SORL1: variants seen among roughly 807,000 people sequenced by gnomAD.
SORL1 encodes the protein sortilin related receptor 1.
In SORL1, 127 loss-of-function variants were observed where a neutral mutation model predicts 273.7. That is an observed-to-expected ratio of 0.46 (90% CI 0.40 to 0.54). The LOEUF (loss-of-function observed/expected upper bound fraction) is 0.54, where lower values mean the gene tolerates loss of function less well. Ranked by LOEUF, SORL1 falls within the 20% of genes least tolerant of loss-of-function variation. The probability of loss-of-function intolerance (pLI) is 0.00; values close to 1 mark genes in which losing one functional copy is unlikely to be tolerated. For synonymous variants in SORL1, 1,031 were observed against 1,067.4 expected, an observed-to-expected ratio of 0.97 and a Z score of 0.66; for missense variants, 2,494 against 2,846.1, an observed-to-expected ratio of 0.88 and a Z score of 2.81.
chr11:121,485,023 G>A lies in SORL1; in HGVS notation c.529-3009G>A, dbSNP rs565614640. Among the ~76,000 whole-genome samples the A allele has an allele frequency of 4.0e-4, 61 of 152,332 alleles. 1 individual carries two copies. The South Asian group carries it at 0.013, about 32-fold the overall frequency. ...GCCCACCTTGGCCTCCCAAAGTGGT[G>A]GGATTACAGGCATGAGCCACCCCGC... is the stretch of plus-strand genomic sequence containing the variant. On this transcript the variant is annotated intron_variant, in intron 3 of 47. Transcript: ENST00000260197.
intron 18 of SORL1, chr11:121,557,066 TG>T (rs1188980691): frequency 3.2e-5 from 17 of 533,250 alleles, no homozygotes; most frequent in African/African-American, 3.0e-4. Flanking sequence ...CATCATGCCC[TG>T]GAAACTGGGG....
chr11:121,579,167 A>G (rs1287283124), intron 25 of SORL1, among the ~76,000 whole-genome samples: 1 of 152,046 alleles, frequency 6.6e-6, no homozygotes, highest in Admixed American at 6.5e-5. Flanking sequence ...TTTTTCTCTG[A>G]TTTTCTTCCG....
chr11:121,472,494 C>T (rs1272296261), intron 2 of SORL1, among the ~76,000 whole-genome samples: 5 of 152,108 alleles, frequency 3.3e-5, no homozygotes, highest in South Asian at 4.1e-4. Flanking sequence ...ACTCAGTGTG[C>T]GAAGATGTGG....
intron 32 of SORL1, among the ~76,000 whole-genome samples, chr11:121,599,594 C>A (rs753235696): frequency 2.0e-5 from 3 of 152,154 alleles, no homozygotes; most frequent in Non-Finnish European, 4.4e-5. Flanking sequence ...ATATTTTAAT[C>A]TCCTTGGTTA....
At chr11:121,496,796 C>T in intron 5 of SORL1, 73 bp from the exon 6 acceptor site, 1 of 1,286,814 alleles carries the variant, frequency 7.8e-7, no homozygotes, top group Non-Finnish European at 1.1e-6. Flanking sequence ...GTTGATTATC[C>T]CATTGCAAAA....
chr11:121,541,926 T>G (rs1223697520), intron 12 of SORL1, among the ~76,000 whole-genome samples: 1 of 152,230 alleles, frequency 6.6e-6, no homozygotes, highest in Non-Finnish European at 1.5e-5. Flanking sequence ...CCTCAGTATA[T>G]ACTTTCCTTC....
chr11:121,629,543 G>A lies in SORL1; in HGVS notation c.6625G>A (p.Val2209Ile). 6 of 1,566,886 alleles carry A rather than the reference G, an allele frequency of 3.8e-6. No homozygotes were observed. Among genetic ancestry groups the A allele is most frequent in the Non-Finnish European group, 5.3e-6 (6 of 1,136,854 alleles). Reference sequence around the variant, plus strand: ...TATGATAACTGGATTTTCAGATGACGTCCCCATGGTGATAGCCTGAAAGAG... The same window carrying A: ...TATGATAACTGGATTTTCAGATGACATCCCCATGGTGATAGCCTGAAAGAG... ...APMITGFSDDVPMVIA is the reference protein window; with the variant it reads ...APMITGFSDDIPMVIA Residue 2209 changes from valine (V) to isoleucine (I), a missense_variant, in exon 48 of 48, where the codon GTC (valine) becomes ATC (isoleucine). Physicochemically the swap from Val to Ile is conservative, Grantham distance 29. Around this residue, in one of 3 missense-constraint regions of SORL1, gnomAD observed 1,609 missense variants for 1,816.4 expected, o/e 0.89. Transcript: ENST00000260197.
chr11:121,603,779 G>T (rs1252271915), intron 32 of SORL1, among the ~76,000 whole-genome samples: 1 of 152,176 alleles, frequency 6.6e-6, no homozygotes, highest in Non-Finnish European at 1.5e-5. Context: ...TAGTACTATA[G>T]AGTAATAGCT....
intron 6 of SORL1, among the ~76,000 whole-genome samples, chr11:121,506,350 A>G (rs892048611): frequency 6.6e-6 from 1 of 152,206 alleles, no homozygotes; most frequent in Non-Finnish European, 1.5e-5. Context: ...TTTACAAAAA[A>G]GGTTTATAAT....
intron 2 of SORL1, among the ~76,000 whole-genome samples, chr11:121,474,651 A>C (rs1366832241): frequency 6.6e-6 from 1 of 152,218 alleles, no homozygotes; most frequent in Admixed American, 6.5e-5. Context: ...AGAGGGGACT[A>C]TTTAGTGCAG....
At chr11:121,566,663 C>A in intron 21 of SORL1, 1 of 361,570 alleles carries the variant, frequency 2.8e-6, no homozygotes, top group Non-Finnish European at 5.1e-6. Context: ...GCTTTCTTGT[C>A]TTTCAGTGAC....
chr11:121,541,644 A>G (rs1862352002), intron 12 of SORL1, among the ~76,000 whole-genome samples: 1 of 152,212 alleles, frequency 6.6e-6, no homozygotes. Context: ...TGAAAGAAAA[A>G]GTTTTGCATA....
intron 11 of SORL1, among the ~76,000 whole-genome samples, chr11:121,530,503 T>A (rs192205797): frequency 2.6e-5 from 4 of 152,328 alleles, no homozygotes; most frequent in Admixed American, 2.6e-4. Flanking sequence ...ATGAGAAACC[T>A]CTCTTCACTT....
chr11:121,577,658 A>T (rs1048161196), intron 25 of SORL1, among the ~76,000 whole-genome samples: 1 of 152,234 alleles, frequency 6.6e-6, no homozygotes, highest in African/African-American at 2.4e-5. Context: ...CAAGCTTCTT[A>T]TTCATTCAGG....
intron 31 of SORL1, among the ~76,000 whole-genome samples, chr11:121,594,067 A>C (rs1449335916): frequency 6.6e-6 from 1 of 150,522 alleles, no homozygotes; most frequent in African/African-American, 2.4e-5. Context: ...GTTTTGTTCC[A>C]CTGCCTTCAA....
chr11:121,622,245 GA>G lies in SORL1; in HGVS notation c.6152del (p.Lys2051SerfsTer18). The G allele has an allele frequency of 6.2e-7, 1 of 1,608,992 alleles. No individual in the cohort carries two copies. Among genetic ancestry groups the G allele is most frequent in the Non-Finnish European group, 8.5e-7 (1 of 1,176,140 alleles). ...LLFWKSLALK[E>X]KHFNESRGYE... ...GTTTTGGAAAAGCCTGGCTTTAAAGGAAAAGCATTTTAATGAAAGCAGGGTA... is the reference window on the plus strand; with the variant it reads ...GTTTTGGAAAAGCCTGGCTTTAAAGGAAAGCATTTTAATGAAAGCAGGGTA... On this transcript the variant is annotated frameshift_variant, in exon 45 of 48. Transcript: ENST00000260197. LOFTEE classifies it high-confidence loss of function.
chr11:121,452,581 G>A lies in SORL1; in HGVS notation c.250G>A (p.Ala84Thr), dbSNP rs761884142. The change falls in exon 1 of 48, where the codon GCC becomes ACC. Residue 84 changes from alanine to threonine, a missense_variant. This residue lies in a region of SORL1 where 175 missense variants were observed against 147.1 expected (regional missense o/e 1.19). Coordinates refer to ENST00000260197, the MANE Select transcript of SORL1 (RefSeq NM_003105.6). The surrounding 1 kb of genome is among the most constrained non-coding windows in gnomAD (Gnocchi z 5.3). ...GCCGCTCCGGAGGAAACGGAGCGCT[G>A]CCCTGCAGCCCGAGCCCATCAAGGT... ...EKPLRRKRSAALQPEPIKVYG... is the reference protein window; with the variant it reads ...EKPLRRKRSATLQPEPIKVYG... 14 of 1,521,938 alleles carry A rather than the reference G, an allele frequency of 9.2e-6. No homozygotes were observed. In the South Asian group the frequency reaches 1.7e-4, roughly 18 times the overall value. The allele number at this position is 1,521,938 out of a possible 1,614,324, so 94.3% of individuals were successfully genotyped here.
At chr11:121,486,173 T>A (rs766847519) in intron 3 of SORL1, among the ~76,000 whole-genome samples, 3 of 152,230 alleles carry the variant, frequency 2.0e-5, no homozygotes, top group Non-Finnish European at 4.4e-5. Flanking sequence ...TGTCAATGAC[T>A]GGCTGTGGGT....
At chr11:121,571,611 A>G (rs182482769) in intron 23 of SORL1, among the ~76,000 whole-genome samples, 1 of 152,358 alleles carries the variant, frequency 6.6e-6, no homozygotes, top group East Asian at 1.9e-4. Context: ...GAAGCTCTAG[A>G]TACTCATTTA....
Sources: allele counts gnomAD v4.1 joint callset (sites outside exome capture counted in the v4.1 genomes callset), GRCh38; gene constraint gnomAD v4.1.1; regional missense constraint gnomAD v4.1.1; non-coding constraint Gnocchi (gnomAD v3.1); transcripts MANE v1.5; gene names NCBI Gene and HGNC (gene_info 2026-07-23, HGNC 2026-07-21).